Variants in PCSK4 observed in about 807,000 individuals in gnomAD.
PCSK4 encodes the protein proprotein convertase subtilisin/kexin type 4.
PCSK4 carries 64 observed loss-of-function variants against 80.3 expected under a neutral mutation model. The observed-to-expected ratio is 0.80, with a 90% CI of 0.65 to 0.98. The LOEUF is 0.98. Among genes scored for constraint, PCSK4 ranks in the 50% least tolerant of loss-of-function variants. PCSK4 has a pLI of 0.00. For synonymous variants in PCSK4, 561 were observed against 487.6 expected (o/e 1.15, Z -1.98); for missense variants, 1,213 against 1,093.6 (o/e 1.11, Z -1.54).
chr19:1,487,015 G>A, exon 8 of PCSK4: 2 of 1,608,762 alleles, frequency 1.2e-6, no homozygotes. Flanking sequence ...CGTAGTGCAG[G>A]CCGCCGTTGC....
At chr19:1,489,116 CTG>C (rs1016369664) in intron 2 of PCSK4, among the ~76,000 whole-genome samples, 1 of 150,144 alleles carries the variant, frequency 6.7e-6, no homozygotes, top group Non-Finnish European at 1.5e-5. Flanking sequence ...CACTGGGTGA[CTG>C]TAAGCCTCCT....
exon 7 of PCSK4, chr19:1,487,281 C>T: frequency 3.8e-6 from 6 of 1,599,914 alleles, no homozygotes; most frequent in Non-Finnish European, 5.1e-6. Flanking sequence ...GCCTCGATGA[C>T]ATCGGTGATG....
exon 1 of PCSK4, chr19:1,490,350 GGCGGGGCGGGA>G: frequency 1.7e-6 from 2 of 1,156,194 alleles, no homozygotes; most frequent in Non-Finnish European, 2.4e-6. Context: ...GCCGCATGGA[GGCGGGGCGGGA>G]GCGGGGCCTG....
chr19:1,490,561 CG>C (rs2084897844), upstream of PCSK4: 1 of 479,938 alleles, frequency 2.1e-6, no homozygotes, highest in African/African-American at 2.1e-5. Flanking sequence ...CCCACACCCT[CG>C]GGAGCCTCAG....
Position 1,486,969 on chromosome 19 carries a change from G to A in PCSK4, c.952C>T (p.His318Tyr), listed in dbSNP as rs747107839. 1.1e-5 allele frequency: 17 copies of A among 1,609,176 alleles called. No individual in the cohort carries two copies. The African/African-American group carries it at 2.1e-4, about 20-fold the overall frequency. The change falls in exon 8 of 15, where the codon CAC becomes TAC. Residue 318 changes from histidine (H) to tyrosine (Y), a missense_variant. By Grantham distance (83) the His-to-Tyr change is moderately conservative. Coordinates refer to ENST00000300954, the Ensembl canonical transcript of PCSK4. ...GTGGTGCTGCCCACGGAAAGCGTGT[G>A]GATGCTGTTGGTGTAGCCGTCGCAG...
At chr19:1,484,918 G>T (rs1253116241) in intron 8 of PCSK4, among the ~76,000 whole-genome samples, 1 of 152,202 alleles carries the variant, frequency 6.6e-6, no homozygotes. Flanking sequence ...GCTGAGGCGG[G>T]CAGATTGTTT....
chr19:1,486,104 C>G (rs1442474299), intron 8 of PCSK4, among the ~76,000 whole-genome samples: 1 of 151,916 alleles, frequency 6.6e-6, no homozygotes, highest in Non-Finnish European at 1.5e-5. Context: ...TCCTGAGTAG[C>G]TGGGATTACA....
Position 1,483,357 on chromosome 19 carries a change from A to G in PCSK4, c.1498T>C (p.Tyr500His), listed in dbSNP as rs763590170. The G allele has an allele frequency of 4.3e-6, 7 of 1,609,664 alleles. No individual in the cohort carries two copies. In the South Asian group the frequency reaches 7.7e-5, roughly 18 times the overall value. ...ATCTCCAGGTCTCCGCGCCGGCTGT[A>G]GGACAGCGTCAGCTGCGCCTGCACG... Residue 500 changes from tyrosine (Y) to histidine (H), a missense_variant, in exon 12 of 15, where the codon TAC becomes CAC. Transcript: ENST00000300954.
At chr19:1,490,477 G>T (rs928630624), upstream of PCSK4, 2 of 531,236 alleles carry the variant, frequency 3.8e-6, no homozygotes, top group Non-Finnish European at 6.6e-6. Context: ...GGGCCTTGCG[G>T]CTACTCAGCC....
At chr19:1,485,355 G>A (rs2084547884) in intron 8 of PCSK4, among the ~76,000 whole-genome samples, 1 of 150,502 alleles carries the variant, frequency 6.6e-6, no homozygotes, top group Non-Finnish European at 1.5e-5. Flanking sequence ...CTTGACCTGA[G>A]GAGTTGGAGA....
upstream of PCSK4, chr19:1,490,787 C>T (rs987744645): frequency 2.1e-5 from 4 of 191,372 alleles, no homozygotes; most frequent in Admixed American, 6.0e-5. Context: ...ACCATTCCGC[C>T]CTGCCTCCTT....
intron 13 of PCSK4, 136 bp from the exon 14 acceptor site, chr19:1,482,611 A>AGTAGGTGTGCAATT: frequency 5.3e-6 from 6 of 1,124,764 alleles, no homozygotes; most frequent in Non-Finnish European, 7.5e-6. Context: ...GGAATTGCAC[A>AGTAGGTGTGCAATT]CCTACTGTGC....
chr19:1,483,765 T>C, exon 11 of PCSK4: 1 of 1,584,322 alleles, frequency 6.3e-7, no homozygotes, highest in Non-Finnish European at 8.5e-7. Flanking sequence ...TAGTGATGGC[T>C]CACTGCGCGG....
chr19:1,490,588 AACG>A, upstream of PCSK4: 1 of 472,380 alleles, frequency 2.1e-6, no homozygotes, highest in East Asian at 3.5e-5. Context: ...CCATTTGTAC[AACG>A]ACAAGACTAA....
Position 1,487,596 on chromosome 19 carries a change from C to G in PCSK4, c.682+7G>C. 6.5e-7 allele frequency: 1 copy of G among 1,548,660 alleles called. No homozygotes were observed. The highest frequency in any genetic ancestry group is 8.7e-7 in the Non-Finnish European group (1 of 1,145,632). ...CCGGAATGGTGCCGCTGGGGGACCC[C>G]GGGTACCTCCGATTCGGGCGTTGAA... On this transcript the variant is annotated splice_region_variant and intron_variant, in intron 6 of 14. Coordinates refer to ENST00000300954, the Ensembl canonical transcript of PCSK4.
At chr19:1,482,756 A>C in intron 13 of PCSK4, 140 bp downstream of exon 13, 1 of 908,234 alleles carries the variant, frequency 1.1e-6, no homozygotes. Context: ...GGGTGACTGC[A>C]CGCCTACTGT....
Position 1,483,035 on chromosome 19 carries a change from T to C in PCSK4, c.1572-15A>G. On this transcript the variant is annotated splice_polypyrimidine_tract_variant and intron_variant, in intron 12 of 14. Coordinates refer to ENST00000300954, the Ensembl canonical transcript of PCSK4. ...CGTCCAAGGGTCTGGGACAGAAGGG[T>C]GGGTGGGGGTGGGGGTGTCAAGAGG... is the stretch of plus-strand genomic sequence containing the variant. The C allele has an allele frequency of 3.2e-6, 1 of 313,486 alleles. No individual in the cohort carries two copies. Among genetic ancestry groups the C allele is most frequent in the Non-Finnish European group, 6.4e-6 (1 of 155,990 alleles). The allele number at this position is 313,486 out of a possible 1,614,324, so 19.4% of individuals were successfully genotyped here.
In PCSK4 at chr19:1,490,295, G is replaced by A. The variant is rs752192965; in HGVS notation, c.52C>T (p.Leu18Phe). The A allele has an allele frequency of 3.8e-6, 6 of 1,566,974 alleles. No homozygotes were observed. The African/African-American group carries it at 5.4e-5, about 14-fold the overall frequency. Residue 18 changes from leucine to phenylalanine, a missense_variant, in exon 1 of 15, where the codon CTT becomes TTT. Coordinates refer to ENST00000300954, the Ensembl canonical transcript of PCSK4. Reference sequence around the variant, plus strand: ...CACCCCACAGCCCGGGGGCGGACAAGGGCCAGGGCCAAGACCAGGCGCAGC... The same window carrying A: ...CACCCCACAGCCCGGGGGCGGACAAAGGCCAGGGCCAAGACCAGGCGCAGC...
chr19:1,487,198 G>A, exon 7 of PCSK4: 1 of 1,608,160 alleles, frequency 6.2e-7, no homozygotes, highest in African/African-American at 1.3e-5. Context: ...CGTCCACCGT[G>A]CGGCCGTCGT....
Sources: gnomAD v4.1 joint callset for allele counts (sites outside exome capture counted in the v4.1 genomes callset) on GRCh38, gnomAD v4.1.1 for gene constraint, MANE v1.5 for transcripts, NCBI Gene and HGNC (gene_info 2026-07-23, HGNC 2026-07-21) for gene names.